The following SYN1 variants were observed in gnomAD, a reference collection of about 807,000 sequenced individuals.
SYN1 encodes the protein synapsin-1.
A neutral mutation model predicts 44.6 loss-of-function variants in SYN1; 8 were observed. That is an observed-to-expected ratio of 0.18 (90% CI 0.11 to 0.32). The LOEUF is 0.32. SYN1 is among the 10% of genes least tolerant of loss of function. The pLI is 1.00. For synonymous variants in SYN1, 275 were observed against 280.1 expected (o/e 0.98, Z 0.18); for missense variants, 451 against 639.4 (o/e 0.71, Z 3.18).
At chrX:47,591,485 C>T (rs1211295945) in intron 5 of SYN1, among the ~76,000 whole-genome samples, 2 of 110,869 alleles carry the variant, frequency 1.8e-5, no homozygotes, top group East Asian at 5.7e-4. Flanking sequence ...CTTTGGGAGG[C>T]CGAGGCGGGT....
intron 1 of SYN1, among the ~76,000 whole-genome samples, chrX:47,608,890 C>G (rs1265025034): frequency 1.0e-5 from 1 of 98,167 alleles, no homozygotes; most frequent in Admixed American, 1.1e-4. Flanking sequence ...TGGACAGACA[C>G]ACACACACAC....
chrX:47,618,967 C>T (rs1405682437), intron 1 of SYN1, among the ~76,000 whole-genome samples: 2 of 110,999 alleles, frequency 1.8e-5, no homozygotes, highest in African/African-American at 6.6e-5. Context: ...ATGAGGCATA[C>T]TGCAGGTACT....
intron 3 of SYN1, among the ~76,000 whole-genome samples, chrX:47,606,256 A>G (rs1298659127): frequency 1.9e-5 from 2 of 106,889 alleles, no homozygotes; most frequent in Non-Finnish European, 3.8e-5. Flanking sequence ...TGTGTATCTC[A>G]CAGTAGAATG....
chrX:47,574,910 G>A (rs776169654), intron 10 of SYN1, 135 bp from the exon 11 acceptor site: 2 of 785,215 alleles, frequency 2.5e-6, no homozygotes, highest in African/African-American at 2.1e-5. Context: ...TCTGGGTTGT[G>A]GGGTGGGGGA....
intron 5 of SYN1, chrX:47,585,980 C>T: frequency 9.6e-7 from 1 of 1,043,265 alleles, no homozygotes; most frequent in Non-Finnish European, 1.2e-6. Context: ...TCTTGGTTCC[C>T]CAGAATGTTC....
intron 5 of SYN1, among the ~76,000 whole-genome samples, chrX:47,579,488 G>C (rs939286107): frequency 4.5e-5 from 5 of 110,908 alleles, no homozygotes; most frequent in Non-Finnish European, 9.4e-5. Context: ...GCATTGTCAG[G>C]TGTCCGCTTT....
intron 5 of SYN1, among the ~76,000 whole-genome samples, chrX:47,590,381 A>T (rs2057843825): frequency 9.0e-6 from 1 of 111,462 alleles, no homozygotes; most frequent in Non-Finnish European, 1.9e-5. Flanking sequence ...CCACCCTGGA[A>T]CAAAAAGTCC....
intron 5 of SYN1, among the ~76,000 whole-genome samples, chrX:47,597,349 A>G (rs67162678): frequency 0.056 from 6,115 of 110,124 alleles, 463 homozygotes; most frequent in African/African-American, 0.19. Context: ...AAAAAAAAAA[A>G]AAAGAAATTC....
intron 1 of SYN1, among the ~76,000 whole-genome samples, chrX:47,610,414 G>A (rs1415975276): frequency 9.2e-6 from 1 of 108,891 alleles, no homozygotes; most frequent in Non-Finnish European, 1.9e-5. Flanking sequence ...CAGAGGCCTC[G>A]GATGATGCAG....
rs776542124 is a variant in SYN1 at position 47,576,097 on chromosome X, T to C, written c.1158+34A>G. ...ACTGCTGCTGCCTGGCATCTGTTCCTCCCTCTACCCCACCTACCCCTGGGT... is the reference window on the plus strand; with the variant it reads ...ACTGCTGCTGCCTGGCATCTGTTCCCCCCTCTACCCCACCTACCCCTGGGT... On this transcript the variant is annotated intron_variant, in intron 9 of 12. Coordinates refer to ENST00000295987, the MANE Select transcript of SYN1 (RefSeq NM_006950.3). The C allele has an allele frequency of 3.5e-5, 40 of 1,158,932 alleles. No homozygotes were observed. In the South Asian group the frequency reaches 7.0e-4, roughly 20 times the overall value.
At chrX:47,619,093 T>A (rs2057939486) in intron 1 of SYN1, among the ~76,000 whole-genome samples, 1 of 110,375 alleles carries the variant, frequency 9.1e-6, no homozygotes, top group East Asian at 2.8e-4. Flanking sequence ...AGCCAAAGAC[T>A]TTTGGGGGAG....
chrX:47,572,598 G>A lies in SYN1; in HGVS notation c.*266C>T, dbSNP rs1206813292. ...ACCAGGGGCGGAGGTCTTCAGGAAT[G>A]TGGAGGTTCTAAAACAGAAGTAGAT... On this transcript the variant is annotated 3_prime_UTR_variant, in exon 13 of 13. Coordinates refer to ENST00000295987, the MANE Select transcript of SYN1 (RefSeq NM_006950.3). The A allele has an allele frequency of 3.0e-6, 1 of 338,480 alleles. No individual in the cohort carries two copies. Among genetic ancestry groups the A allele is most frequent in the Non-Finnish European group, 5.2e-6 (1 of 192,918 alleles). 27.9% of individuals were successfully genotyped at this position (338,480 alleles called of 1,213,427 possible).
chrX:47,587,369 G>A (rs1015548110), intron 5 of SYN1: 1 of 113,169 alleles, frequency 8.8e-6, no homozygotes, highest in African/African-American at 3.2e-5. Flanking sequence ...GGAAGAAGGG[G>A]TGGCCCTGGC....
At chrX:47,611,369 C>T (rs1474930597) in intron 1 of SYN1, among the ~76,000 whole-genome samples, 1 of 111,777 alleles carries the variant, frequency 8.9e-6, no homozygotes, top group Non-Finnish European at 1.9e-5. Context: ...CTGGAGAATG[C>T]TTGCAGATTA....
rs375423817 is a variant in SYN1, at chrX:47,606,549, A to AC, written c.527+395dup. On this transcript the variant is annotated intron_variant, in intron 3 of 12. Coordinates refer to ENST00000295987, the MANE Select transcript of SYN1 (RefSeq NM_006950.3). ...GACAAACCTGGGCAACATAGTGAGG[A>AC]CCCCCCCCATCTCTACAAAAAACAT... Among the ~76,000 whole-genome samples, 412 of 104,473 alleles carry AC rather than the reference A, an allele frequency of 3.9e-3. 1 individual carries two copies. The highest frequency in any genetic ancestry group is 9.8e-3 in the Middle Eastern group (2 of 205). 90.7% of individuals were successfully genotyped at this position (104,473 alleles called of 115,157 possible).
intron 1 of SYN1, among the ~76,000 whole-genome samples, chrX:47,617,221 A>C (rs1459707620): frequency 2.7e-5 from 3 of 111,003 alleles, no homozygotes; most frequent in Non-Finnish European, 5.7e-5. Flanking sequence ...GGGAGAGGTA[A>C]TCTAACCAGT....
At chrX:47,618,154 G>A (rs975730311) in intron 1 of SYN1, among the ~76,000 whole-genome samples, 3 of 112,499 alleles carry the variant, frequency 2.7e-5, no homozygotes, top group African/African-American at 9.7e-5. Flanking sequence ...GCAAGTGCCA[G>A]ATATCTGAGC....
In SYN1 at chrX:47,573,482, G is replaced by A. The variant is rs2057766435; in HGVS notation, c.1983-483C>T. Among the ~76,000 whole-genome samples, 10 of 111,079 alleles carry A rather than the reference G, an allele frequency of 9.0e-5. No homozygotes were observed. The South Asian group carries it at 3.8e-3, about 42-fold the overall frequency. On this transcript the variant is annotated intron_variant, in intron 12 of 12. Transcript: ENST00000295987. ...GGACGTCTGAGCTGGGATGGGAGTTGGAATGGACCAGAAAAGGCAGATGGG... is the reference window on the plus strand; with the variant it reads ...GGACGTCTGAGCTGGGATGGGAGTTAGAATGGACCAGAAAAGGCAGATGGG...
intron 5 of SYN1, among the ~76,000 whole-genome samples, chrX:47,591,103 CG>C (rs1435623664): frequency 1.8e-5 from 2 of 111,219 alleles, no homozygotes; most frequent in Non-Finnish European, 3.8e-5. Flanking sequence ...CAGGCTGGTC[CG>C]GAACTCCTAG....
Sources: gnomAD v4.1 joint callset for allele counts (sites outside exome capture counted in the v4.1 genomes callset) on GRCh38, gnomAD v4.1.1 for gene constraint, MANE v1.5 for transcripts, NCBI Gene and HGNC (gene_info 2026-07-23, HGNC 2026-07-21) for gene names.